The following PHYKPL variants were observed in gnomAD, a reference collection of about 807,000 sequenced individuals.
The protein encoded by PHYKPL is 5-phosphonooxy-L-lysine phospho-lyase.
A neutral mutation model predicts 51.3 loss-of-function variants in PHYKPL; 42 were observed. That is an observed-to-expected ratio of 0.82 (90% CI 0.64 to 1.06). The LOEUF is 1.06. Ranked by LOEUF, PHYKPL falls within the 50% of genes least tolerant of loss-of-function variation. The pLI is 0.00. For missense variants in PHYKPL, 655 were observed against 586.6 expected (o/e 1.12, Z -1.20); for synonymous variants, 264 against 236.0 (o/e 1.12, Z -1.09).
chr5:178,232,484 C>T lies in PHYKPL; in HGVS notation c.59+8G>A, dbSNP rs1302990557. On this transcript the variant is annotated splice_region_variant and intron_variant, in intron 1 of 12. Transcript: ENST00000308158. ...GCGCCCCCCGCCGCCCGCCCCCCGC[C>T]CGGGTACCTGATGAGCCGTTGCCTC... The T allele has an allele frequency of 2.2e-6, 3 of 1,365,726 alleles. No homozygotes were observed. The highest frequency in any genetic ancestry group is 2.8e-6 in the Non-Finnish European group (3 of 1,068,138). The allele number at this position is 1,365,726 out of a possible 1,614,324, so 84.6% of individuals were successfully genotyped here. A position where few individuals can be genotyped will look rare whatever the true frequency, so the allele number is the denominator to read the frequency against.
At chr5:178,215,650 T>G in intron 8 of PHYKPL, 1 of 562,294 alleles carries the variant, frequency 1.8e-6, no homozygotes, top group Non-Finnish European at 3.1e-6. Context: ...TCAGGTCAGG[T>G]ATCCCTGAAG....
chr5:178,223,329 G>A, intron 6 of PHYKPL: 1 of 457,326 alleles, frequency 2.2e-6, no homozygotes, highest in Non-Finnish European at 4.4e-6. Flanking sequence ...CCTGCCTCCT[G>A]CAGATTTGCC....
At chr5:178,207,995 G>A (rs142221682), downstream of PHYKPL, among the ~76,000 whole-genome samples, 1 of 152,132 alleles carries the variant, frequency 6.6e-6, no homozygotes, top group Non-Finnish European at 1.5e-5. Flanking sequence ...ACCTCTTTAA[G>A]TTAACCCTAA....
At chr5:178,225,268 C>T in intron 4 of PHYKPL, 87 bp downstream of exon 4, 1 of 1,512,226 alleles carries the variant, frequency 6.6e-7, no homozygotes, top group Non-Finnish European at 9.1e-7. Flanking sequence ...TCCTCCCTGC[C>T]TAAGGCACCC....
chr5:178,212,907 G>T, intron 11 of PHYKPL, 66 bp downstream of exon 11: 1 of 1,592,582 alleles, frequency 6.3e-7, no homozygotes, highest in Non-Finnish European at 8.6e-7. Flanking sequence ...TCCATGCTAG[G>T]AGGCTCTAGT....
chr5:178,225,540 A>G lies in PHYKPL; in HGVS notation c.339-111T>C, dbSNP rs77262943. The G allele has an allele frequency of 9.2e-6, 9 of 980,556 alleles. No individual in the cohort carries two copies. In the East Asian group the frequency reaches 2.0e-4, roughly 22 times the overall value. The allele number at this position is 980,556 out of a possible 1,614,324, so 60.7% of individuals were successfully genotyped here. Reference sequence around the variant, plus strand: ...CAGCAAGAAGATTCTCAGGACATCAACTAGTCAGTCACTTGCTTGTTTGTT... The same window carrying G: ...CAGCAAGAAGATTCTCAGGACATCAGCTAGTCAGTCACTTGCTTGTTTGTT... On this transcript the variant is annotated intron_variant, in intron 3 of 12. Coordinates refer to ENST00000308158, the MANE Select transcript of PHYKPL (RefSeq NM_153373.4).
chr5:178,210,444 C>A, intron 12 of PHYKPL: 2 of 1,496,962 alleles, frequency 1.3e-6, no homozygotes, highest in Non-Finnish European at 9.2e-7. Flanking sequence ...ATGAGGAAGG[C>A]AGTCTCTGCT....
rs775912876 is a variant in PHYKPL at position 178,224,714 on chromosome 5, G to C, written c.429C>G (p.His143Gln). ...GACTGATGTCAATCAGGGAGCTCAGGTGGCCGTGATACGCACTGGGGAGGA... is the reference window on the plus strand; with the variant it reads ...GACTGATGTCAATCAGGGAGCTCAGCTGGCCGTGATACGCACTGGGGAGGA... ...VVVLDHAYHGHLSSLIDISPY... is the reference protein window; with the variant it reads ...VVVLDHAYHGQLSSLIDISPY... Residue 143 changes from histidine (H) to glutamine (Q), a missense_variant, in exon 5 of 13, where the codon CAC becomes CAG. Coordinates refer to ENST00000308158, the MANE Select transcript of PHYKPL (RefSeq NM_153373.4). 5.6e-6 allele frequency: 9 copies of C among 1,613,976 alleles called. No homozygotes were observed. Among genetic ancestry groups the C allele is most frequent in the Non-Finnish European group, 7.6e-6 (9 of 1,179,960 alleles).
chr5:178,207,178 G>A, downstream of PHYKPL: 4 of 1,614,162 alleles, frequency 2.5e-6, no homozygotes, highest in East Asian at 2.2e-5. Flanking sequence ...AGAAGAACCC[G>A]TGAAGAAGGT....
intron 9 of PHYKPL, 40 bp from the exon 10 acceptor site, chr5:178,214,925 G>A: frequency 6.3e-7 from 1 of 1,595,720 alleles, no homozygotes. Flanking sequence ...GGCCAGGCCT[G>A]AGGGGCCAGG....
intron 4 of PHYKPL, 134 bp downstream of exon 4, chr5:178,225,221 G>T: frequency 9.8e-7 from 1 of 1,020,412 alleles, no homozygotes; most frequent in Non-Finnish European, 1.5e-6. Context: ...CTGGTCCTCT[G>T]CCTGCCACAC....
chr5:178,210,383 A>G, intron 12 of PHYKPL: 1 of 1,573,678 alleles, frequency 6.4e-7, no homozygotes, highest in South Asian at 1.1e-5. Context: ...GGCCTGGCTC[A>G]GCCATGGGAG....
At chr5:178,232,194 A>C (rs1379646483) in intron 1 of PHYKPL, 52 of 1,242,042 alleles carry the variant, frequency 4.2e-5, no homozygotes, top group Non-Finnish European at 5.0e-5. Context: ...AAAGGCTGCC[A>C]AGCGAGGCTG....
At chr5:178,211,163 A>AATGTG (rs1758223598) in intron 12 of PHYKPL, 1 of 153,644 alleles carries the variant, frequency 6.5e-6, no homozygotes, top group East Asian at 2.0e-4. Context: ...AAAACCCCCA[A>AATGTG]GCCTGGGTGA....
At chr5:178,228,723 C>T (rs1762780088) in intron 3 of PHYKPL, 4 of 665,608 alleles carry the variant, frequency 6.0e-6, no homozygotes, top group Middle Eastern at 2.4e-4. Flanking sequence ...ATGTTCTCTC[C>T]CAGATACACT....
intron 3 of PHYKPL, among the ~76,000 whole-genome samples, chr5:178,227,210 T>A (rs1253241534): frequency 6.6e-6 from 1 of 152,070 alleles, no homozygotes; most frequent in African/African-American, 2.4e-5. Context: ...CCAGTGTCCT[T>A]ATAAGAGAAA....
chr5:178,213,292 C>T (rs541659835), intron 10 of PHYKPL, among the ~76,000 whole-genome samples, 189 bp from the exon 11 acceptor site: 1 of 152,322 alleles, frequency 6.6e-6, no homozygotes, highest in African/African-American at 2.4e-5. Flanking sequence ...TTGGAGTGCA[C>T]TGCACCTGGC....
intron 8 of PHYKPL, among the ~76,000 whole-genome samples, chr5:178,218,067 A>C: frequency 1.8e-5 from 2 of 111,708 alleles, no homozygotes; most frequent in African/African-American, 4.0e-5. Flanking sequence ...AAATACAAAA[A>C]TTAGCCGGGC....
intron 9 of PHYKPL, 48 bp from the exon 10 acceptor site, chr5:178,214,933 AGGGT>A: frequency 6.3e-7 from 1 of 1,578,870 alleles, no homozygotes; most frequent in Non-Finnish European, 8.7e-7. Context: ...CTGAGGGGCC[AGGGT>A]GCTGGCCTCA....
Sources: gnomAD v4.1 joint callset for allele counts (sites outside exome capture counted in the v4.1 genomes callset) on GRCh38, gnomAD v4.1.1 for gene constraint, MANE v1.5 for transcripts, NCBI Gene and HGNC (gene_info 2026-07-23, HGNC 2026-07-21) for gene names.